ADD1: variants seen among roughly 807,000 people sequenced by gnomAD.
ADD1 encodes the protein adducin 1.
A neutral mutation model predicts 80.5 loss-of-function variants in ADD1; 24 were observed. That is an observed-to-expected ratio of 0.30 (90% CI 0.22 to 0.42). The LOEUF is 0.42. ADD1 is among the 10% of genes least tolerant of loss of function. The pLI, the probability that ADD1 is intolerant of heterozygous loss-of-function variation, is 1.00. For synonymous variants in ADD1, 373 were observed against 393.8 expected (o/e 0.95, Z 0.63); for missense variants, 948 against 1,019.0 (o/e 0.93, Z 0.95).
rs746635106 is a variant in ADD1, at chr4:2,907,858, C to T, written c.1608+14C>T. On this transcript the variant is annotated intron_variant, in intron 11 of 15. Transcript: ENST00000683351. ...ATGAGGAACAAGGTGCGTCCTGCGTCGGCACTCAGCGGGGGCTTGGGTGTG... is the reference window on the plus strand; with the variant it reads ...ATGAGGAACAAGGTGCGTCCTGCGTTGGCACTCAGCGGGGGCTTGGGTGTG... 1.7e-5 allele frequency: 28 copies of T among 1,603,316 alleles called. No individual in the cohort carries two copies. Among genetic ancestry groups the T allele is most frequent in the Middle Eastern group, 1.8e-4 (1 of 5,678 alleles).
In ADD1 at chr4:2,904,823, C is replaced by G; in HGVS notation, c.1221C>G (p.Tyr407Ter). 1 of 1,614,202 alleles carries G rather than the reference C, an allele frequency of 6.2e-7. No homozygotes were observed. The highest frequency in any genetic ancestry group is 8.5e-7 in the Non-Finnish European group (1 of 1,180,036). The change falls in exon 10 of 16, where the codon TAC becomes TAG. Residue 407 changes from tyrosine (Y) to a stop codon, truncating the protein, a stop_gained. Transcript: ENST00000683351. LOFTEE classifies it high-confidence loss of function. ...CTCTGAGAGAGAAGTCTAAAAAATACAGCGATGTGGAGGTTCCTGCTAGTG... is the reference window on the plus strand; with the variant it reads ...CTCTGAGAGAGAAGTCTAAAAAATAGAGCGATGTGGAGGTTCCTGCTAGTG... ...YPALREKSKK[Y>*]SDVEVPASVT...
intron 9 of ADD1, chr4:2,901,961 C>G (rs1399176995): frequency 6.7e-6 from 1 of 149,044 alleles, no homozygotes; most frequent in East Asian, 2.1e-4. Context: ...CATCATGTTG[C>G]CTAGGCTGGT....
At position 2,928,470 on chromosome 4, in the gene ADD1, A is replaced by T. The variant is rs145730078; in HGVS notation, c.2347A>T (p.Lys783Ter). Residue 783 changes from lysine to a stop codon, truncating the protein, a stop_gained, in exon 16 of 16, where the codon AAG becomes TAG. Transcript: ENST00000683351. LOFTEE classifies it high-confidence loss of function. ...PGKSPSKKKK[K>*]FRTPSFLKKS... ...CAAGTCCCCGTCCAAAAAGAAGAAG[A>T]AGTTCCGTACCCCGTCCTTTCTGAA... 733 of 1,613,642 alleles carry T rather than the reference A, an allele frequency of 4.5e-4. No homozygotes were observed. Among genetic ancestry groups the T allele is most frequent in the South Asian group, 2.4e-3 (219 of 91,080 alleles).
chr4:2,920,918 T>C (rs1739913989), intron 14 of ADD1, among the ~76,000 whole-genome samples: 1 of 152,196 alleles, frequency 6.6e-6, no homozygotes, highest in South Asian at 2.1e-4. Context: ...CTGATGCAGT[T>C]TCTTCATAGT....
chr4:2,903,857 T>C (rs1736601673), intron 9 of ADD1, among the ~76,000 whole-genome samples: 1 of 152,148 alleles, frequency 6.6e-6, no homozygotes, highest in South Asian at 2.1e-4. Context: ...GCAGATGAGT[T>C]GGTCCAGTAG....
At chr4:2,880,493 T>TG (rs1732107890) in intron 2 of ADD1, among the ~76,000 whole-genome samples, 1 of 122,186 alleles carries the variant, frequency 8.2e-6, no homozygotes, top group African/African-American at 3.3e-5. Flanking sequence ...TTTTTTTTTT[T>TG]GAGACGGAGT....
chr4:2,885,845 T>A (rs569243920), intron 4 of ADD1, among the ~76,000 whole-genome samples: 1 of 151,846 alleles, frequency 6.6e-6, no homozygotes, highest in Non-Finnish European at 1.5e-5. Flanking sequence ...CTCCTGACCT[T>A]GTGATCCGCC....
chr4:2,849,561 G>A (rs1325768875), intron 1 of ADD1, among the ~76,000 whole-genome samples: 1 of 152,206 alleles, frequency 6.6e-6, no homozygotes. Flanking sequence ...GGCAGCTGTG[G>A]CTGTTTGCAT....
At chr4:2,859,254 AATG>A (rs1240857855) in intron 1 of ADD1, among the ~76,000 whole-genome samples, 22 of 152,254 alleles carry the variant, frequency 1.4e-4, no homozygotes, top group African/African-American at 5.1e-4. Context: ...CCTGGGAAGG[AATG>A]ATAACTTTCT....
chr4:2,922,524 G>A (rs936643958), intron 14 of ADD1, among the ~76,000 whole-genome samples: 18 of 152,234 alleles, frequency 1.2e-4, no homozygotes, highest in South Asian at 2.1e-4. Flanking sequence ...TCGTCCCAGA[G>A]GGGCACCTGC....
Position 2,852,557 on chromosome 4 carries a change from A to G in ADD1, c.-21+8533A>G, listed in dbSNP as rs960482613. Reference sequence around the variant, plus strand: ...CTCCATTTCAGTTTTTTTCTGAGCAACGTCTCCAGGGACTGAAGCACACAT... The same window carrying G: ...CTCCATTTCAGTTTTTTTCTGAGCAGCGTCTCCAGGGACTGAAGCACACAT... On this transcript the variant is annotated intron_variant, in intron 1 of 15. Coordinates refer to ENST00000683351, the MANE Select transcript of ADD1 (RefSeq NM_001354761.2). Among the ~76,000 whole-genome samples, 6 of 151,292 alleles carry G rather than the reference A, an allele frequency of 4.0e-5. No homozygotes were observed. The East Asian group carries it at 7.7e-4, about 20-fold the overall frequency.
chr4:2,902,258 TGAATTA>T (rs1241267672), intron 9 of ADD1: 4 of 152,136 alleles, frequency 2.6e-5, no homozygotes, highest in Non-Finnish European at 4.4e-5. Context: ...AAAGGAAACT[TGAATTA>T]ATAAGAACTG....
At chr4:2,886,518 A>T (rs1355133700) in intron 4 of ADD1, among the ~76,000 whole-genome samples, 1 of 152,160 alleles carries the variant, frequency 6.6e-6, no homozygotes, top group African/African-American at 2.4e-5. Context: ...ATTCCCCTGT[A>T]GCAGTTACCC....
chr4:2,884,743 G>A, intron 4 of ADD1, 77 bp downstream of exon 4: 1 of 1,450,038 alleles, frequency 6.9e-7, no homozygotes, highest in African/African-American at 1.4e-5. Flanking sequence ...CCATTTAGGA[G>A]AAGAGGGAAG....
chr4:2,927,958 G>A (rs1712157020), intron 15 of ADD1, among the ~76,000 whole-genome samples: 1 of 152,200 alleles, frequency 6.6e-6, no homozygotes, highest in African/African-American at 2.4e-5. Context: ...ACCAGAAGGA[G>A]CTAAAAACTA....
rs569235696 is a variant in ADD1, at chr4:2,871,645, G to T, written c.-20-4251G>T. Among the ~76,000 whole-genome samples, 24 of 152,246 alleles carry T rather than the reference G, an allele frequency of 1.6e-4. 1 individual carries two copies. Among genetic ancestry groups the T allele is most frequent in the Admixed American group, 3.3e-4 (5 of 15,296 alleles). On this transcript the variant is annotated intron_variant, in intron 1 of 15. Coordinates refer to ENST00000683351, the MANE Select transcript of ADD1 (RefSeq NM_001354761.2). Reference sequence around the variant, plus strand: ...CAAACACATACAAAATAGACAGCACGGTGTGATGAGTCCTGCTCTAACCTT... The same window carrying T: ...CAAACACATACAAAATAGACAGCACTGTGTGATGAGTCCTGCTCTAACCTT...
rs1449357285 is a variant in ADD1, at chr4:2,928,694, T to C, written c.*171T>C. ...AGCCCCGGGCTGACCCAGTGTGTGC[T>C]CAGCAGCCCCACCCCACCCTGCCCC... is the stretch of plus-strand genomic sequence containing the variant. On this transcript the variant is annotated 3_prime_UTR_variant, in exon 16 of 16. Coordinates refer to ENST00000683351, the MANE Select transcript of ADD1 (RefSeq NM_001354761.2). 5 of 644,142 alleles carry C rather than the reference T, an allele frequency of 7.8e-6. No homozygotes were observed. The highest frequency in any genetic ancestry group is 3.4e-5 in the Admixed American group (1 of 29,028). 39.9% of individuals were successfully genotyped at this position (644,142 alleles called of 1,614,324 possible). A position where few individuals can be genotyped will look rare whatever the true frequency, so the allele number is the denominator to read the frequency against.
chr4:2,923,311 G>A (rs969641434), intron 14 of ADD1, among the ~76,000 whole-genome samples: 22 of 152,362 alleles, frequency 1.4e-4, no homozygotes, highest in African/African-American at 4.6e-4. Flanking sequence ...TGCGAAGACC[G>A]TGGGAAAAGC....
intron 14 of ADD1, 68 bp from the exon 15 acceptor site, chr4:2,925,946 T>G: frequency 7.1e-7 from 1 of 1,416,268 alleles, no homozygotes; most frequent in Non-Finnish European, 9.9e-7. Context: ...CCATCTGCCA[T>G]GGAGGCAGGT....
Sources: allele counts gnomAD v4.1 joint callset (sites outside exome capture counted in the v4.1 genomes callset), GRCh38; gene constraint gnomAD v4.1.1; transcripts MANE v1.5; gene names NCBI Gene and HGNC (gene_info 2026-07-23, HGNC 2026-07-21).